Variants in LIN54 observed in about 807,000 individuals in gnomAD.
The protein encoded by LIN54 is lin-54 DREAM MuvB core complex component, also known as protein lin-54 homolog.
Under a neutral mutation model 78.7 loss-of-function variants are expected in LIN54, and 9 were observed. That is an observed-to-expected ratio of 0.11 (90% CI 0.07 to 0.20). The LOEUF is 0.20. Among genes scored for constraint, LIN54 ranks in the 10% least tolerant of loss-of-function variants. The pLI, the probability that LIN54 is intolerant of heterozygous loss-of-function variation, is 1.00. For missense variants in LIN54, 573 were observed against 889.9 expected (o/e 0.64, Z 4.53); for synonymous variants, 269 against 318.4 (o/e 0.84, Z 1.65).
At chr4:82,999,958 T>C (rs914140749) in intron 1 of LIN54, among the ~76,000 whole-genome samples, 3 of 152,002 alleles carry the variant, frequency 2.0e-5, no homozygotes, top group Non-Finnish European at 4.4e-5. Flanking sequence ...AGTAGCATAA[T>C]CAGAGCTCAC....
intron 11 of LIN54, among the ~76,000 whole-genome samples, chr4:82,932,868 A>G (rs1722083892): frequency 6.6e-6 from 1 of 152,132 alleles, no homozygotes; most frequent in African/African-American, 2.4e-5. Context: ...GGGATGATAA[A>G]GTGAGATTTC....
chr4:82,979,733 T>C (rs1726465813), intron 2 of LIN54, among the ~76,000 whole-genome samples: 1 of 150,148 alleles, frequency 6.7e-6, no homozygotes, highest in African/African-American at 2.4e-5. Flanking sequence ...AGGTCAGGAG[T>C]TCAAGACCAG....
In LIN54 at chr4:82,926,492, A is replaced by G. The variant is rs1373082630; in HGVS notation, c.*1610T>C. The G allele has an allele frequency of 6.6e-6, 1 of 152,590 alleles. No homozygotes were observed. Among genetic ancestry groups the G allele is most frequent in the East Asian group, 1.9e-4 (1 of 5,198 alleles). The allele number at this position is 152,590 out of a possible 1,614,324, so 9.5% of individuals were successfully genotyped here. On this transcript the variant is annotated 3_prime_UTR_variant, in exon 13 of 13. Transcript: ENST00000340417. Reference sequence around the variant, plus strand: ...TGCATGTTCATATGAACATATATACACACTTAATACATACAACTATAGAGT... The same window carrying G: ...TGCATGTTCATATGAACATATATACGCACTTAATACATACAACTATAGAGT...
intron 12 of LIN54, among the ~76,000 whole-genome samples, 176 bp from the exon 13 acceptor site, chr4:82,928,479 T>C (rs1721667971): frequency 6.6e-6 from 1 of 152,224 alleles, no homozygotes; most frequent in Admixed American, 6.5e-5. Context: ...AAAAGTTAAA[T>C]TTGGTTTTAT....
chr4:83,002,305 G>A (rs1310678418), intron 1 of LIN54, among the ~76,000 whole-genome samples: 4 of 151,638 alleles, frequency 2.6e-5, no homozygotes, highest in African/African-American at 9.7e-5. Context: ...GGAGACTGAG[G>A]CATGAGGATC....
chr4:82,928,322 GAGAA>G lies in LIN54; in HGVS notation c.2049-23_2049-20del. 2 of 1,589,214 alleles carry G rather than the reference GAGAA, an allele frequency of 1.3e-6. No homozygotes were observed. The highest frequency in any genetic ancestry group is 1.7e-6 in the Non-Finnish European group (2 of 1,157,694). Reference sequence around the variant, plus strand: ...TGGCAATCTGAAATGATTTTTGAAAGAGAAAGATGATGGTGGTGTTAAATAACAA... The same window carrying G: ...TGGCAATCTGAAATGATTTTTGAAAGAGATGATGGTGGTGTTAAATAACAA... On this transcript the variant is annotated intron_variant, in intron 12 of 12. Coordinates refer to ENST00000340417, the MANE Select transcript of LIN54 (RefSeq NM_194282.4).
chr4:82,952,866 A>G (rs981738278), intron 4 of LIN54, among the ~76,000 whole-genome samples: 3 of 152,228 alleles, frequency 2.0e-5, no homozygotes, highest in African/African-American at 7.2e-5. Flanking sequence ...GCCCATCACA[A>G]AAAGACAAAT....
intron 1 of LIN54, among the ~76,000 whole-genome samples, chr4:83,007,641 A>T (rs1477038702): frequency 6.6e-6 from 1 of 152,098 alleles, no homozygotes; most frequent in Non-Finnish European, 1.5e-5. Flanking sequence ...TAACCTCAAC[A>T]CTTTGGGAGG....
In LIN54 at chr4:82,936,074, C is replaced by A; in HGVS notation, c.1752G>T (p.Gly584=). Residue 584 remains glycine (G), a synonymous_variant, in exon 11 of 13, where the codon GGG becomes GGT. Coordinates refer to ENST00000340417, the MANE Select transcript of LIN54 (RefSeq NM_194282.4). ...RNPEAFKPKI[G]KGKEGESDRR... Reference sequence around the variant, plus strand: ...GATCAGATTCTCCCTCCTTTCCTTTCCCTATCTTAGGCTTAAAGGCTTCTG... The same window carrying A: ...GATCAGATTCTCCCTCCTTTCCTTTACCTATCTTAGGCTTAAAGGCTTCTG... The A allele has an allele frequency of 1.9e-6, 3 of 1,614,078 alleles. No individual in the cohort carries two copies. The highest frequency in any genetic ancestry group is 2.5e-6 in the Non-Finnish European group (3 of 1,179,906).
intron 3 of LIN54, among the ~76,000 whole-genome samples, chr4:82,978,084 C>G (rs191690958): frequency 2.4e-3 from 67 of 28,092 alleles, no homozygotes; most frequent in African/African-American, 8.7e-3. Context: ...GTGGAAGAAT[C>G]AATGGACCAG....
intron 1 of LIN54, among the ~76,000 whole-genome samples, chr4:82,996,270 C>T (rs1728210802): frequency 6.6e-6 from 1 of 152,116 alleles, no homozygotes; most frequent in East Asian, 1.9e-4. Flanking sequence ...AAGGCCACTC[C>T]AAGAAAAGAG....
At chr4:82,931,215 T>G (rs1315941120) in intron 11 of LIN54, 70 bp from the exon 12 acceptor site, 1 of 1,097,806 alleles carries the variant, frequency 9.1e-7, no homozygotes, top group Non-Finnish European at 1.4e-6. Context: ...GATGCCACAA[T>G]CAAATCAACA....
chr4:82,990,898 T>A (rs768292133), intron 1 of LIN54, among the ~76,000 whole-genome samples: 33 of 152,142 alleles, frequency 2.2e-4, no homozygotes, highest in Non-Finnish European at 7.4e-5. Context: ...CAGAGGGAGA[T>A]GCTATATCAT....
chr4:82,944,770 G>GA (rs896355956), intron 5 of LIN54: 1 of 152,010 alleles, frequency 6.6e-6, no homozygotes, highest in African/African-American at 2.4e-5. Flanking sequence ...GTAAGAAGAG[G>GA]AAAAAGGTAG....
At chr4:82,938,714 T>C (rs988129998) in intron 7 of LIN54, among the ~76,000 whole-genome samples, 2 of 152,146 alleles carry the variant, frequency 1.3e-5, no homozygotes, top group African/African-American at 4.8e-5. Context: ...CAGTACTACA[T>C]AGTACAAATA....
intron 1 of LIN54, among the ~76,000 whole-genome samples, chr4:82,991,849 T>C (rs1294452915): frequency 6.6e-6 from 1 of 152,200 alleles, no homozygotes; most frequent in Non-Finnish European, 1.5e-5. Flanking sequence ...GTCTTATAAT[T>C]TGTATATATT....
chr4:82,958,477 G>A (rs922880743), intron 4 of LIN54, among the ~76,000 whole-genome samples: 6 of 152,104 alleles, frequency 3.9e-5, no homozygotes, highest in Admixed American at 3.3e-4. Context: ...CAGCTCACTG[G>A]AATGGCAATA....
rs182383010 is a variant in LIN54 at position 82,961,055 on chromosome 4, G to C, written c.951+9272C>G. Among the ~76,000 whole-genome samples the C allele has an allele frequency of 2.0e-5, 3 of 151,818 alleles. No homozygotes were observed. In the East Asian group the frequency reaches 5.8e-4, roughly 29 times the overall value. The stretch of plus-strand genomic sequence containing the variant: ...AGCCTGGGTGACAGAGTGAGATCCT[G>C]TTTCAAATAAATTTTTAAAAAATTT... On this transcript the variant is annotated intron_variant, in intron 4 of 12. Transcript: ENST00000340417.
In LIN54 at chr4:82,969,845, A is replaced by G. The variant is rs186366907; in HGVS notation, c.951+482T>C. On this transcript the variant is annotated intron_variant, in intron 4 of 12. Coordinates refer to ENST00000340417, the MANE Select transcript of LIN54 (RefSeq NM_194282.4). Reference sequence around the variant, plus strand: ...ATAAGAAAGCATTTGAATGCTTCCAATAAAATGTATTCAAGCTTAAACAAC... The same window carrying G: ...ATAAGAAAGCATTTGAATGCTTCCAGTAAAATGTATTCAAGCTTAAACAAC... 7.9e-5 allele frequency among the ~76,000 whole-genome samples: 12 copies of G among 152,360 alleles called. No homozygotes were observed. In the East Asian group the frequency reaches 1.3e-3, roughly 17 times the overall value.
Sources: gnomAD v4.1 joint callset for allele counts (sites outside exome capture counted in the v4.1 genomes callset) on GRCh38, gnomAD v4.1.1 for gene constraint, MANE v1.5 for transcripts, NCBI Gene and HGNC (gene_info 2026-07-23, HGNC 2026-07-21) for gene names.